The following BCOR variants were observed in gnomAD, a reference collection of about 807,000 sequenced individuals.
BCOR encodes the protein BCL6 corepressor.
BCOR carries 10 observed loss-of-function variants against 86.7 expected under a neutral mutation model. The observed-to-expected ratio is 0.12, with a 90% confidence interval of 0.07 to 0.20. The LOEUF (loss-of-function observed/expected upper bound fraction) is 0.20. Ranked by LOEUF, BCOR falls within the 10% of genes least tolerant of loss-of-function variation. The pLI is 1.00. For missense variants in BCOR, 1,259 were observed against 1,452.1 expected, an observed-to-expected ratio of 0.87 and a Z score of 2.16; for synonymous variants, 611 against 609.0, an observed-to-expected ratio of 1.00 and a Z score of -0.05.
At chrX:40,153,959 C>T (rs995996582) in intron 1 of BCOR, among the ~76,000 whole-genome samples, 1 of 110,280 alleles carries the variant, frequency 9.1e-6, no homozygotes, top group Non-Finnish European at 1.9e-5. Context: ...GACGCAGCCC[C>T]GGCTTCCTGG....
intron 1 of BCOR, among the ~76,000 whole-genome samples, chrX:40,108,529 C>G: frequency 8.8e-6 from 1 of 113,669 alleles, no homozygotes; most frequent in South Asian, 3.5e-4. Context: ...CGCCAACGAA[C>G]CGGGTGCGTG....
In BCOR at chrX:40,070,713, T is replaced by C. The variant is rs189002382; in HGVS notation, c.3238+260A>G. ...TTCCACTGCTACAAAATATAACCTG[T>C]CCCTGCACCTAATTTCCTACTGCCA... On this transcript the variant is annotated intron_variant, in intron 6 of 14. Transcript: ENST00000378444. Among the ~76,000 whole-genome samples, 6 of 111,560 alleles carry C rather than the reference T, an allele frequency of 5.4e-5. No homozygotes were observed. The East Asian group carries it at 1.7e-3, about 31-fold the overall frequency.
At chrX:40,113,526 A>G (rs1335412636) in intron 1 of BCOR, among the ~76,000 whole-genome samples, 1 of 111,550 alleles carries the variant, frequency 9.0e-6, no homozygotes, top group African/African-American at 3.3e-5. Context: ...TCACCCTCTG[A>G]AGGCCAACCA....
chrX:40,127,263 T>C (rs1937554618), intron 1 of BCOR, among the ~76,000 whole-genome samples: 2 of 111,947 alleles, frequency 1.8e-5, no homozygotes, highest in Admixed American at 1.9e-4. Flanking sequence ...GAAGCCAGTC[T>C]CACATACTTG....
At chrX:40,078,691 G>A (rs1398947271) in intron 1 of BCOR, among the ~76,000 whole-genome samples, 2 of 111,979 alleles carry the variant, frequency 1.8e-5, no homozygotes, top group African/African-American at 6.5e-5. Context: ...AATCATTAGC[G>A]AGCACAGAAG....
chrX:40,123,273 G>A (rs1394781564), intron 1 of BCOR, among the ~76,000 whole-genome samples: 1 of 111,163 alleles, frequency 9.0e-6, no homozygotes, highest in Non-Finnish European at 1.9e-5. Context: ...CAAGGATTGA[G>A]AAGGGGTCTT....
intron 1 of BCOR, among the ~76,000 whole-genome samples, chrX:40,143,549 A>G (rs5917348): frequency 0.1 from 11,570 of 112,437 alleles, 493 homozygotes; most frequent in African/African-American, 0.18. Context: ...GAGGAACCAT[A>G]ATCAACTTTA....
At chrX:40,055,237 C>T (rs1379311599) in intron 12 of BCOR, 131 bp downstream of exon 12, 11 of 646,518 alleles carry the variant, frequency 1.7e-5, no homozygotes, top group African/African-American at 4.4e-5. Context: ...AAAGTTCAAA[C>T]ACTCGGCTGC....
At chrX:40,085,073 T>G (rs770179767) in intron 1 of BCOR, among the ~76,000 whole-genome samples, 1 of 112,703 alleles carries the variant, frequency 8.9e-6, no homozygotes, top group Admixed American at 9.3e-5. Flanking sequence ...TTACTCCTCC[T>G]TGATCCATGG....
intron 12 of BCOR, among the ~76,000 whole-genome samples, chrX:40,054,783 G>A (rs999313639): frequency 1.8e-5 from 2 of 112,757 alleles, no homozygotes; most frequent in African/African-American, 3.2e-5. Context: ...GATTACAGGC[G>A]TGAGCCAACT....
chrX:40,064,418 A>G lies in BCOR; in HGVS notation c.3420T>C (p.Gly1140=). The part of the protein sequence containing the change: ...LRVDRKRKVS[G]DSSHTETTAE... ...CAGTGGTCTCAGTGTGGCTGCTGTC[A>G]CCTGAGACTTTGCGTTTCCTGTCCA... The change falls in exon 7 of 15, where the codon GGT becomes GGC. Residue 1140 remains glycine (G), a synonymous_variant. Coordinates refer to ENST00000378444, the MANE Select transcript of BCOR (RefSeq NM_001123385.2). 3 of 1,211,918 alleles carry G rather than the reference A, an allele frequency of 2.5e-6. No individual in the cohort carries two copies. The highest frequency in any genetic ancestry group is 3.4e-6 in the Non-Finnish European group (3 of 895,443).
intron 1 of BCOR, among the ~76,000 whole-genome samples, chrX:40,106,085 T>C (rs1937176377): frequency 9.0e-6 from 1 of 111,620 alleles, no homozygotes; most frequent in Non-Finnish European, 1.9e-5. Context: ...GCTCGGACTT[T>C]GCCACTCCAC....
At chrX:40,079,454 C>T (rs142407643) in intron 1 of BCOR, among the ~76,000 whole-genome samples, 7 of 111,559 alleles carry the variant, frequency 6.3e-5, no homozygotes, top group African/African-American at 2.3e-4. Context: ...ATTTCTTTGT[C>T]CTAACTAGGT....
chrX:40,063,909 G>A lies in BCOR; in HGVS notation c.3546C>T (p.His1182=), dbSNP rs759926738. The A allele has an allele frequency of 1.8e-5, 22 of 1,206,399 alleles. No homozygotes were observed. The highest frequency in any genetic ancestry group is 1.1e-6 in the Non-Finnish European group (1 of 892,532). ...GCTCACTATAATGTGGGTCTTCTAA[G>A]TGGTTAGAGGAACTGTTTGTCATTT... ...EREMTNSSSN[H]LEDPHYSELT... Residue 1182 remains histidine, a synonymous_variant, in exon 8 of 15, where the codon CAC becomes CAT. Coordinates refer to ENST00000378444, the MANE Select transcript of BCOR (RefSeq NM_001123385.2).
chrX:40,172,159 A>G (rs1938637717), intron 1 of BCOR, among the ~76,000 whole-genome samples: 1 of 112,811 alleles, frequency 8.9e-6, no homozygotes, highest in African/African-American at 3.2e-5. Flanking sequence ...GCTGCGGCCA[A>G]TGCAAGACGA....
intron 1 of BCOR, among the ~76,000 whole-genome samples, chrX:40,153,327 C>T (rs912727102): frequency 8.9e-6 from 1 of 112,720 alleles, no homozygotes; most frequent in Admixed American, 9.3e-5. Flanking sequence ...TCGCCCAAGG[C>T]CCGAGGGTGG....
At chrX:40,088,596 G>C (rs909173887) in intron 1 of BCOR, among the ~76,000 whole-genome samples, 2 of 112,421 alleles carry the variant, frequency 1.8e-5, no homozygotes, top group Non-Finnish European at 3.8e-5. Flanking sequence ...AGTCGAGTAG[G>C]AAACCTGATC....
rs747433153 is a variant in BCOR at position 40,072,945 on chromosome X, C to T, written c.2401G>A (p.Asp801Asn). The T allele has an allele frequency of 6.6e-6, 8 of 1,209,722 alleles. No individual in the cohort carries two copies. The African/African-American group carries it at 7.0e-5, about 11-fold the overall frequency. ...WNQGKTVVKS[D>N]KLVYVDLLRE... Reference sequence around the variant, plus strand: ...AGAAGGTCTACGTAGACAAGCTTGTCGCTTTTGACAACAGTCTTCCCTTGA... The same window carrying T: ...AGAAGGTCTACGTAGACAAGCTTGTTGCTTTTGACAACAGTCTTCCCTTGA... The change falls in exon 4 of 15, where the codon GAC becomes AAC. Residue 801 changes from aspartate (D) to asparagine (N), a missense_variant. By Grantham distance (23) the Asp-to-Asn change is conservative. This residue lies in a region of BCOR where 534 missense variants were observed against 594.8 expected (regional missense o/e 0.90). Coordinates refer to ENST00000378444, the MANE Select transcript of BCOR (RefSeq NM_001123385.2).
In BCOR at chrX:40,073,336, G is replaced by A. The variant is rs750128192; in HGVS notation, c.2010C>T (p.Pro670=). Residue 670 remains proline (P), a synonymous_variant, in exon 4 of 15, where the codon CCC becomes CCT. Transcript: ENST00000378444. Reference sequence around the variant, plus strand: ...CAGGTCCTTTGCCATGTAAGGAGAGGGGACTTACAGCAATGCCCTCAGGGG... The same window carrying A: ...CAGGTCCTTTGCCATGTAAGGAGAGAGGACTTACAGCAATGCCCTCAGGGG... ...YPAPEGIAVS[P]LSLHGKGPVY... The A allele has an allele frequency of 3.3e-6, 4 of 1,210,910 alleles. No homozygotes were observed. In the South Asian group the frequency reaches 5.3e-5, roughly 16 times the overall value.
Sources: gnomAD v4.1 joint callset for allele counts (sites outside exome capture counted in the v4.1 genomes callset) on GRCh38, gnomAD v4.1.1 for gene constraint, gnomAD v4.1.1 regional missense constraint, MANE v1.5 for transcripts, NCBI Gene and HGNC (gene_info 2026-07-23, HGNC 2026-07-21) for gene names.